SLC24A2: variants seen among roughly 807,000 people sequenced by gnomAD.
SLC24A2 encodes sodium/potassium/calcium exchanger 2.
SLC24A2 carries 36 observed loss-of-function variants against 62.0 expected under a neutral mutation model. That is an observed-to-expected ratio of 0.58 (90% CI 0.44 to 0.77). The LOEUF (loss-of-function observed/expected upper bound fraction) is 0.77, where lower values mean the gene tolerates loss of function less well. Ranked by LOEUF, SLC24A2 falls within the 30% of genes least tolerant of loss-of-function variation. The probability of loss-of-function intolerance (pLI) is 0.00; values close to 1 mark genes in which losing one functional copy is unlikely to be tolerated. For missense variants in SLC24A2, 846 were observed against 817.9 expected (o/e 1.03, Z -0.42); for synonymous variants, 358 against 294.0 (o/e 1.22, Z -2.23).
chr9:20,223,785 AC>A, the SLC24A2 span, among the ~76,000 whole-genome samples: 11 of 152,214 alleles, frequency 7.2e-5, no homozygotes, highest in South Asian at 2.1e-4. Context: ...TAGGTGGAAA[AC>A]AAAACAAAAT....
the SLC24A2 span, among the ~76,000 whole-genome samples, chr9:20,180,870 C>G: frequency 6.6e-6 from 1 of 152,140 alleles, no homozygotes; most frequent in Admixed American, 6.5e-5. Context: ...TAGCTTGCCA[C>G]TAAAAGTGAG....
At chr9:19,640,391 TG>T (rs1818462799) in intron 2 of SLC24A2, among the ~76,000 whole-genome samples, 1 of 152,234 alleles carries the variant, frequency 6.6e-6, no homozygotes, top group South Asian at 2.1e-4. Flanking sequence ...TCATATTACT[TG>T]GGTTTATTTT....
the SLC24A2 span, among the ~76,000 whole-genome samples, chr9:20,254,598 T>C: frequency 4.9e-4 from 74 of 152,172 alleles, 1 homozygote; most frequent in African/African-American, 1.8e-3. Flanking sequence ...AGGAGAAGGG[T>C]AACTGCATTC....
chr9:19,567,540 A>T (rs1483888514), intron 7 of SLC24A2, among the ~76,000 whole-genome samples: 1 of 65,898 alleles, frequency 1.5e-5, no homozygotes, highest in Non-Finnish European at 2.9e-5. Context: ...GCAAGACTCC[A>T]TCTCAAAAAA....
At chr9:20,274,382 T>A in the SLC24A2 span, among the ~76,000 whole-genome samples, 1 of 152,218 alleles carries the variant, frequency 6.6e-6, no homozygotes, top group African/African-American at 2.4e-5. Context: ...ACTTTGACTC[T>A]AATTCTAAAT....
chr9:20,258,799 T>C, the SLC24A2 span, among the ~76,000 whole-genome samples: 6 of 128,512 alleles, frequency 4.7e-5, no homozygotes, highest in Non-Finnish European at 9.2e-5. Context: ...TATCTATCTA[T>C]CTATCTATCT....
the SLC24A2 span, among the ~76,000 whole-genome samples, chr9:20,164,222 C>A: frequency 6.6e-6 from 1 of 151,990 alleles, no homozygotes; most frequent in Non-Finnish European, 1.5e-5. Context: ...AAAATTTTCA[C>A]AACCTACTCA....
intron 7 of SLC24A2, among the ~76,000 whole-genome samples, chr9:19,567,427 T>G (rs574219041): frequency 6.6e-6 from 1 of 150,780 alleles, no homozygotes; most frequent in East Asian, 1.9e-4. Flanking sequence ...GCGCCTGTAG[T>G]CCCAGCTACT....
At chr9:19,966,445 T>G in the SLC24A2 span, among the ~76,000 whole-genome samples, 2 of 152,212 alleles carry the variant, frequency 1.3e-5, no homozygotes, top group African/African-American at 4.8e-5. Flanking sequence ...TTTAGCATCT[T>G]AGAGCCAATA....
chr9:19,711,132 T>C (rs1362221222), intron 2 of SLC24A2, among the ~76,000 whole-genome samples: 2 of 152,200 alleles, frequency 1.3e-5, no homozygotes, highest in Non-Finnish European at 2.9e-5. Flanking sequence ...TGCATTTCTA[T>C]TTGAGGGGTC....
At chr9:19,897,658 G>T in the SLC24A2 span, among the ~76,000 whole-genome samples, 1 of 152,004 alleles carries the variant, frequency 6.6e-6, no homozygotes, top group Non-Finnish European at 1.5e-5. Context: ...TAATATTCGG[G>T]TCTATTATGT....
the SLC24A2 span, among the ~76,000 whole-genome samples, chr9:20,214,203 G>A: frequency 6.6e-6 from 1 of 152,268 alleles, no homozygotes; most frequent in Non-Finnish European, 1.5e-5. Context: ...ATCGTGAGGC[G>A]ATAGGAAGGT....
At chr9:20,052,081 A>G in the SLC24A2 span, among the ~76,000 whole-genome samples, 1 of 152,146 alleles carries the variant, frequency 6.6e-6, no homozygotes, top group African/African-American at 2.4e-5. Context: ...AGAACATTCA[A>G]CTACCCTCAT....
At chr9:20,013,570 C>A in the SLC24A2 span, among the ~76,000 whole-genome samples, 2 of 152,096 alleles carry the variant, frequency 1.3e-5, no homozygotes, top group Non-Finnish European at 2.9e-5. Context: ...GAGATGGCAT[C>A]AAACTAAAAA....
At chr9:20,184,857 G>A in the SLC24A2 span, among the ~76,000 whole-genome samples, 1 of 151,984 alleles carries the variant, frequency 6.6e-6, no homozygotes, top group Non-Finnish European at 1.5e-5. Context: ...TCAACCTAGT[G>A]TCCATCACAG....
At chr9:20,255,256 TGCCTA>T in the SLC24A2 span, among the ~76,000 whole-genome samples, 1 of 152,248 alleles carries the variant, frequency 6.6e-6, no homozygotes, top group African/African-American at 2.4e-5. Context: ...TGGTAATGAC[TGCCTA>T]GAGTACTGCT....
chr9:19,711,216 A>G (rs371514972), intron 2 of SLC24A2, among the ~76,000 whole-genome samples: 4 of 152,346 alleles, frequency 2.6e-5, no homozygotes, highest in East Asian at 1.9e-4. Flanking sequence ...TTTCACAAAC[A>G]TGCAGTGGAT....
the SLC24A2 span, among the ~76,000 whole-genome samples, chr9:20,131,425 T>TA: frequency 6.6e-6 from 1 of 152,118 alleles, no homozygotes; most frequent in African/African-American, 2.4e-5. Flanking sequence ...CCTGTCAAGA[T>TA]ATACCTTGGA....
the SLC24A2 span, among the ~76,000 whole-genome samples, chr9:19,908,458 T>C: frequency 6.6e-6 from 1 of 151,932 alleles, no homozygotes; most frequent in Non-Finnish European, 1.5e-5. Flanking sequence ...CCAAAAGCAA[T>C]GGCAACAAAA....
Sources: allele counts gnomAD v4.1 joint callset (sites outside exome capture counted in the v4.1 genomes callset), GRCh38; gene constraint gnomAD v4.1.1; transcripts MANE v1.5; gene names NCBI Gene and HGNC (gene_info 2026-07-23, HGNC 2026-07-21).